The following UBOX5 variants were observed in gnomAD, a reference collection of about 807,000 sequenced individuals.
UBOX5 encodes RING finger protein 37.
UBOX5 carries 28 observed loss-of-function variants against 39.0 expected under a neutral mutation model. The ratio of observed to expected loss-of-function variants is 0.72; its 90% CI spans 0.53 to 0.98. The LOEUF (loss-of-function observed/expected upper bound fraction) is 0.98. UBOX5 is among the 50% of genes least tolerant of loss of function. UBOX5 has a pLI of 0.00. For synonymous variants in UBOX5, 283 were observed against 275.5 expected, an observed-to-expected ratio of 1.03 and a Z score of -0.27; for missense variants, 585 against 674.4, an observed-to-expected ratio of 0.87 and a Z score of 1.47.
At position 3,122,483 on chromosome 20, in the gene UBOX5, A is replaced by G; in HGVS notation, c.156T>C (p.Tyr52=). Residue 52 remains tyrosine (Y), a synonymous_variant, in exon 3 of 5, where the codon TAT becomes TAC. Transcript: ENST00000217173. ...RTEYFIKPPV[Y]VTVSFPFNVE... is the part of the protein sequence containing the mutation. ...CATTAAAGGGAAATGAAACTGTCACATAGACTGGTGGCTTAATGAAATACT... is the reference window on the plus strand; with the variant it reads ...CATTAAAGGGAAATGAAACTGTCACGTAGACTGGTGGCTTAATGAAATACT... The G allele has an allele frequency of 6.2e-7, 1 of 1,614,206 alleles. No homozygotes were observed. The highest frequency in any genetic ancestry group is 1.7e-5 in the Admixed American group (1 of 60,016).
At position 3,147,266 on chromosome 20, in the gene UBOX5, G is replaced by A. The variant is rs748782019; in HGVS notation, c.-42+12500C>T. 7 of 1,614,066 alleles carry A rather than the reference G, an allele frequency of 4.3e-6. No individual in the cohort carries two copies. In the African/African-American group the frequency reaches 9.3e-5, roughly 22 times the overall value. On this transcript the variant is annotated intron_variant, in intron 1 of 4. Transcript: ENST00000217173. ...AGCCGGCGTGGCTTCTCTATTAAAT[G>A]GTAATGGCTTCAGGTTAACATCAAG... is the stretch of plus-strand genomic sequence containing the variant.
chr20:3,156,427 C>T (rs934412097), intron 1 of UBOX5, among the ~76,000 whole-genome samples: 12 of 152,130 alleles, frequency 7.9e-5, no homozygotes, highest in African/African-American at 1.4e-4. Context: ...GATCCACCTG[C>T]CTTGGCCTCC....
chr20:3,110,599 T>C, intron 4 of UBOX5: 1 of 458,488 alleles, frequency 2.2e-6, no homozygotes, highest in Non-Finnish European at 4.0e-6. Flanking sequence ...TTCCTCCTGG[T>C]CTCCCAGCAA....
chr20:3,154,068 G>GT (rs1277892869), intron 1 of UBOX5, among the ~76,000 whole-genome samples: 1 of 152,178 alleles, frequency 6.6e-6, no homozygotes, highest in Admixed American at 6.5e-5. Context: ...CAGGATCAAA[G>GT]TAAGGAGAGC....
chr20:3,110,709 A>G (rs1327368042), intron 4 of UBOX5: 3 of 276,194 alleles, frequency 1.1e-5, no homozygotes, highest in Non-Finnish European at 2.1e-5. Context: ...CAAGAGAAGG[A>G]AAAGGCAGGT....
intron 1 of UBOX5, among the ~76,000 whole-genome samples, chr20:3,124,067 C>T (rs2148596685): frequency 6.6e-6 from 1 of 152,028 alleles, no homozygotes; most frequent in African/African-American, 2.4e-5. Flanking sequence ...CTTGCTATGT[C>T]TGATATGCAC....
intron 1 of UBOX5, chr20:3,146,788 G>A (rs372853443): frequency 1.2e-6 from 2 of 1,613,594 alleles, no homozygotes; most frequent in African/African-American, 2.7e-5. Flanking sequence ...AGAGAGCAGA[G>A]GTGAATACTT....
intron 1 of UBOX5, chr20:3,147,204 C>T (rs767375754): frequency 6.2e-7 from 1 of 1,614,178 alleles, no homozygotes; most frequent in Non-Finnish European, 8.5e-7. Flanking sequence ...GTAAGGCTGA[C>T]TCCCACATGC....
chr20:3,140,757 G>A (rs1295531401), intron 1 of UBOX5, among the ~76,000 whole-genome samples: 2 of 151,750 alleles, frequency 1.3e-5, no homozygotes, highest in Admixed American at 6.6e-5. Flanking sequence ...CACATGTGCA[G>A]GTTTGTTACC....
chr20:3,122,001 G>A lies in UBOX5; in HGVS notation c.638C>T (p.Thr213Ile), dbSNP rs1235903560. The A allele has an allele frequency of 1.2e-6, 2 of 1,614,172 alleles. No individual in the cohort carries two copies. Among genetic ancestry groups the A allele is most frequent in the Non-Finnish European group, 1.7e-6 (2 of 1,180,046 alleles). Residue 213 changes from threonine (T) to isoleucine (I), a missense_variant, in exon 3 of 5, where the codon ACC (threonine) becomes ATC (isoleucine). Physicochemically the swap from Thr to Ile is moderately conservative, Grantham distance 89. Transcript: ENST00000217173. ...CACATCCTGAGGCAGGTTCTCTGAG[G>A]TGACCAGCAGGATGCTGTCTATCAC... ...QEVIDSILLVTSENLPQDVAL... is the reference protein window; with the variant it reads ...QEVIDSILLVISENLPQDVAL...
intron 1 of UBOX5, chr20:3,147,208 C>T (rs1365031940): frequency 6.2e-7 from 1 of 1,614,046 alleles, no homozygotes; most frequent in Non-Finnish European, 8.5e-7. Context: ...GGCTGACTCC[C>T]ACATGCTCAA....
chr20:3,122,221 GC>G lies in UBOX5; in HGVS notation c.417del (p.Arg139SerfsTer35). ...GTGGCTTCCATCGCGCCAAAAGGGGGCCTGGCCTTGAAGCCCCTGTGGCTAA... is the reference window on the plus strand; with the variant it reads ...GTGGCTTCCATCGCGCCAAAAGGGGGCTGGCCTTGAAGCCCCTGTGGCTAA... ...VVFSHRGFKA[R>X]PPFGAMEATL... On this transcript the variant is annotated frameshift_variant, in exon 3 of 5. Coordinates refer to ENST00000217173, the MANE Select transcript of UBOX5 (RefSeq NM_014948.4). LOFTEE classifies it high-confidence loss of function. The G allele has an allele frequency of 6.2e-7, 1 of 1,614,240 alleles. No homozygotes were observed. Among genetic ancestry groups the G allele is most frequent in the Non-Finnish European group, 8.5e-7 (1 of 1,180,038 alleles).
At chr20:3,114,666 A>G (rs2066279266) in intron 4 of UBOX5, among the ~76,000 whole-genome samples, 1 of 151,980 alleles carries the variant, frequency 6.6e-6, no homozygotes, top group African/African-American at 2.4e-5. Flanking sequence ...AATAACAAAA[A>G]AGGCCAGGCG....
At position 3,144,016 on chromosome 20, in the gene UBOX5, A is replaced by T. The variant is rs150581779; in HGVS notation, c.-42+15750T>A. On this transcript the variant is annotated intron_variant, in intron 1 of 4. Coordinates refer to ENST00000217173, the MANE Select transcript of UBOX5 (RefSeq NM_014948.4). The stretch of plus-strand genomic sequence containing the variant: ...AGATTTATACACTGAAAACTATAAA[A>T]CATTCCTGAATTAAAAATCTAAATA... 5.3e-5 allele frequency among the ~76,000 whole-genome samples: 8 copies of T among 152,302 alleles called. No individual in the cohort carries two copies. The East Asian group carries it at 1.3e-3, about 26-fold the overall frequency.
At chr20:3,112,100 G>A (rs1160587606) in intron 4 of UBOX5, among the ~76,000 whole-genome samples, 1 of 149,980 alleles carries the variant, frequency 6.7e-6, no homozygotes, top group Non-Finnish European at 1.5e-5. Flanking sequence ...ATTCCCCAGT[G>A]AGTGGAAAGT....
intron 1 of UBOX5, among the ~76,000 whole-genome samples, chr20:3,145,032 A>C (rs2066548032): frequency 6.6e-6 from 1 of 152,238 alleles, no homozygotes; most frequent in African/African-American, 2.4e-5. Flanking sequence ...AATGGCTCTT[A>C]AAGCAAAAGG....
At chr20:3,127,859 T>G (rs1246838606) in intron 1 of UBOX5, among the ~76,000 whole-genome samples, 1 of 152,214 alleles carries the variant, frequency 6.6e-6, no homozygotes, top group Non-Finnish European at 1.5e-5. Flanking sequence ...TAGGTTATAC[T>G]ATTTGGCTTT....
At chr20:3,127,928 G>A (rs115867681) in intron 1 of UBOX5, among the ~76,000 whole-genome samples, 1 of 152,268 alleles carries the variant, frequency 6.6e-6, no homozygotes, top group South Asian at 2.1e-4. Context: ...CTGGCCTAAA[G>A]CCTCCTGTTC....
At chr20:3,117,095 CA>C (rs934643476) in intron 3 of UBOX5, among the ~76,000 whole-genome samples, 57 of 139,812 alleles carry the variant, frequency 4.1e-4, no homozygotes, top group Non-Finnish European at 3.9e-4. Flanking sequence ...GACTCCATCT[CA>C]AAAAAAAAAA....
Sources: allele counts gnomAD v4.1 joint callset (sites outside exome capture counted in the v4.1 genomes callset), GRCh38; gene constraint gnomAD v4.1.1; transcripts MANE v1.5; gene names NCBI Gene and HGNC (gene_info 2026-07-23, HGNC 2026-07-21).